Variants in TLN2 observed in about 807,000 individuals in gnomAD.
TLN2 encodes the protein talin-2.
In TLN2, 118 loss-of-function variants were observed where a neutral mutation model predicts 294.7. The observed-to-expected ratio is 0.40, with a 90% CI of 0.34 to 0.47. The LOEUF (loss-of-function observed/expected upper bound fraction) is 0.47, where lower values mean the gene tolerates loss of function less well. TLN2 is among the 20% of genes least tolerant of loss of function. The probability of loss-of-function intolerance (pLI) is 0.84; values close to 1 mark genes in which losing one functional copy is unlikely to be tolerated. For synonymous variants in TLN2, 1,431 were observed against 1,304.5 expected, an observed-to-expected ratio of 1.10 and a Z score of -2.09; for missense variants, 3,083 against 3,282.2, an observed-to-expected ratio of 0.94 and a Z score of 1.48.
At chr15:62,692,774 C>A in intron 12 of TLN2, 66 bp from the exon 13 acceptor site, 1 of 1,265,170 alleles carries the variant, frequency 7.9e-7, no homozygotes, top group South Asian at 1.2e-5. Context: ...TAGAGCTGGA[C>A]CTGCTAGCCT....
intron 45 of TLN2, among the ~76,000 whole-genome samples, chr15:62,787,139 A>G (rs1341426403): frequency 6.6e-6 from 1 of 151,928 alleles, no homozygotes; most frequent in Non-Finnish European, 1.5e-5. Context: ...CAAGCCATCC[A>G]CCTGCCTCAG....
chr15:62,713,929 A>ATG (rs1555485353), intron 22 of TLN2, among the ~76,000 whole-genome samples: 9 of 125,206 alleles, frequency 7.2e-5, no homozygotes, highest in South Asian at 2.7e-4. Flanking sequence ...GTGTGTGTGT[A>ATG]TGTGTGTGTG....
At chr15:62,792,368 G>A (rs2065133406) in intron 45 of TLN2, among the ~76,000 whole-genome samples, 1 of 152,214 alleles carries the variant, frequency 6.6e-6, no homozygotes. Context: ...GAGCAGATAA[G>A]CTATAAACCA....
rs534697253 is a variant in TLN2, at chr15:62,736,402, G to A, written c.3359-476G>A. On this transcript the variant is annotated intron_variant, in intron 28 of 58. Transcript: ENST00000636159. ...TCTGGTATGAAGGGAGCATTGACTG[G>A]CACAACTGATGGTGGATATGTGGCT... Among the ~76,000 whole-genome samples, 3 of 152,240 alleles carry A rather than the reference G, an allele frequency of 2.0e-5. No individual in the cohort carries two copies. The East Asian group carries it at 5.8e-4, about 29-fold the overall frequency.
At chr15:62,704,843 G>T (rs188014000) in intron 19 of TLN2, among the ~76,000 whole-genome samples, 86 of 152,248 alleles carry the variant, frequency 5.6e-4, no homozygotes, top group African/African-American at 2.0e-3. Context: ...TTATATTAGG[G>T]CAGGTAATTA....
intron 37 of TLN2, among the ~76,000 whole-genome samples, chr15:62,756,389 G>A (rs1487922715): frequency 6.6e-6 from 1 of 152,132 alleles, no homozygotes. Context: ...AACACAGTCT[G>A]CCCTCAGCTA....
chr15:62,700,913 A>G (rs1395149190), intron 16 of TLN2, among the ~76,000 whole-genome samples, 193 bp from the exon 17 acceptor site: 1 of 152,204 alleles, frequency 6.6e-6, no homozygotes, highest in Admixed American at 6.5e-5. Flanking sequence ...GAGAATTTGC[A>G]CGCCATTGAG....
intron 1 of TLN2, among the ~76,000 whole-genome samples, chr15:62,484,528 C>T (rs937538455): frequency 6.6e-6 from 1 of 152,102 alleles, no homozygotes; most frequent in East Asian, 1.9e-4. Context: ...CGGGTTCAAG[C>T]GATTCTCCTG....
At chr15:62,443,642 C>A in intron 1 of TLN2, among the ~76,000 whole-genome samples, 1 of 152,140 alleles carries the variant, frequency 6.6e-6, no homozygotes, top group East Asian at 1.9e-4. Context: ...GACATTCCTC[C>A]CTCATTTTCC....
At chr15:62,838,748 G>A in intron 57 of TLN2, 108 bp from the exon 58 acceptor site, 1 of 1,416,232 alleles carries the variant, frequency 7.1e-7, no homozygotes, top group South Asian at 1.4e-5. Flanking sequence ...TGTTATAATT[G>A]GATAATCAAT....
At chr15:62,582,195 TACACACACACACAC>T (rs67748452) in intron 1 of TLN2, among the ~76,000 whole-genome samples, 335 of 66,496 alleles carry the variant, frequency 5.0e-3, no homozygotes, top group Middle Eastern at 0.018. Context: ...TGTGTATGCA[TACACACACACACAC>T]ACACACACAC....
intron 2 of TLN2, among the ~76,000 whole-genome samples, chr15:62,591,556 G>A (rs929395928): frequency 4.6e-5 from 7 of 152,204 alleles, no homozygotes; most frequent in African/African-American, 1.7e-4. Flanking sequence ...TCACACCATG[G>A]TCAAGGTAAA....
At chr15:62,450,551 G>GTATGTATGTA (rs1566981120) in intron 1 of TLN2, among the ~76,000 whole-genome samples, 4 of 35,448 alleles carry the variant, frequency 1.1e-4, no homozygotes, top group Admixed American at 3.8e-4. Context: ...GTATGTATGT[G>GTATGTATGTA]TGTGTGTGTG....
chr15:62,654,264 C>T (rs1364784844), intron 7 of TLN2, among the ~76,000 whole-genome samples: 2 of 152,060 alleles, frequency 1.3e-5, no homozygotes, highest in African/African-American at 2.4e-5. Flanking sequence ...TTAACATGTT[C>T]CTCTGTCCCT....
intron 1 of TLN2, among the ~76,000 whole-genome samples, chr15:62,478,494 G>C (rs931136609): frequency 6.6e-6 from 1 of 152,134 alleles, no homozygotes; most frequent in Non-Finnish European, 1.5e-5. Flanking sequence ...GTCGTGAACA[G>C]GGAAGAGAGA....
intron 47 of TLN2, among the ~76,000 whole-genome samples, 190 bp from the exon 48 acceptor site, chr15:62,797,029 T>G (rs986211777): frequency 6.6e-6 from 1 of 152,236 alleles, no homozygotes; most frequent in Non-Finnish European, 1.5e-5. Context: ...TGGTTGACTT[T>G]CTTCTTCTCC....
At chr15:62,794,231 G>T (rs1273946456) in intron 46 of TLN2, among the ~76,000 whole-genome samples, 1 of 152,180 alleles carries the variant, frequency 6.6e-6, no homozygotes, top group African/African-American at 2.4e-5. Flanking sequence ...CACCTGGAGG[G>T]ACCACCAAAG....
intron 41 of TLN2, among the ~76,000 whole-genome samples, chr15:62,768,443 G>A (rs2063154808): frequency 6.6e-6 from 1 of 152,060 alleles, no homozygotes; most frequent in South Asian, 2.1e-4. Flanking sequence ...ACTTGTTATT[G>A]GATTTAGAGC....
At chr15:62,685,365 T>C (rs1034811418) in intron 11 of TLN2, among the ~76,000 whole-genome samples, 2 of 152,228 alleles carry the variant, frequency 1.3e-5, no homozygotes, top group Non-Finnish European at 2.9e-5. Flanking sequence ...TCTACAGCCA[T>C]ACCACCCTGA....
Sources: allele counts gnomAD v4.1 joint callset (sites outside exome capture counted in the v4.1 genomes callset), GRCh38; gene constraint gnomAD v4.1.1; transcripts MANE v1.5; gene names NCBI Gene and HGNC (gene_info 2026-07-23, HGNC 2026-07-21).